The following HLTF variants were observed in gnomAD, a reference collection of about 807,000 sequenced individuals.
HLTF encodes helicase like transcription factor.
HLTF carries 127 observed loss-of-function variants against 129.4 expected under a neutral mutation model. The observed-to-expected ratio is 0.98, with a 90% CI of 0.85 to 1.14. The LOEUF (loss-of-function observed/expected upper bound fraction) is 1.14, where lower values mean the gene tolerates loss of function less well. Among genes scored for constraint, HLTF ranks in the 50% most tolerant of loss-of-function variants. The pLI is 0.00. For synonymous variants in HLTF, 332 were observed against 388.8 expected (o/e 0.85, Z 1.72); for missense variants, 1,139 against 1,187.1 (o/e 0.96, Z 0.60).
At chr3:149,073,725 C>T (rs998645814) in intron 4 of HLTF, among the ~76,000 whole-genome samples, 6 of 152,018 alleles carry the variant, frequency 3.9e-5, no homozygotes, top group Admixed American at 6.6e-5. Flanking sequence ...ATAAATAAAA[C>T]GTGCATAACA....
Position 149,039,050 on chromosome 3 carries a change from G to T in HLTF, c.2795C>A (p.Pro932Gln). 1.3e-6 allele frequency: 2 copies of T among 1,530,602 alleles called. No individual in the cohort carries two copies. The highest frequency in any genetic ancestry group is 2.2e-5 in the Admixed American group (1 of 46,056). The allele number at this position is 1,530,602 out of a possible 1,614,324, so 94.8% of individuals were successfully genotyped here. ...SAASRVFLMD[P>Q]AWNPAAEDQC... ...GAAAAAATTTACAGAACTACTTACTGGATCCATTAAAAACACTCGAGAAGC... is the reference window on the plus strand; with the variant it reads ...GAAAAAATTTACAGAACTACTTACTTGATCCATTAAAAACACTCGAGAAGC... Residue 932 changes from proline (P) to glutamine (Q), a missense_variant and splice_region_variant, in exon 23 of 25, where the codon CCA becomes CAA. Transcript: ENST00000310053.
intron 1 of HLTF, 31 bp downstream of exon 1, chr3:149,086,282 TAGAC>T (rs758554213): frequency 1.9e-6 from 3 of 1,597,282 alleles, no homozygotes; most frequent in Non-Finnish European, 2.6e-6. Flanking sequence ...TCCAGGCCGT[TAGAC>T]CGAGCGCCCC....
intron 5 of HLTF, among the ~76,000 whole-genome samples, chr3:149,072,186 A>C (rs982153611): frequency 2.6e-5 from 4 of 152,220 alleles, no homozygotes; most frequent in Non-Finnish European, 5.9e-5. Context: ...AGTTGTTAGG[A>C]GGTAAAAGAA....
At chr3:149,069,972 T>A (rs1162217552) in intron 7 of HLTF, among the ~76,000 whole-genome samples, 1 of 152,226 alleles carries the variant, frequency 6.6e-6, no homozygotes, top group African/African-American at 2.4e-5. Flanking sequence ...CAACATTTAG[T>A]AGGTCTGCCC....
chr3:149,047,965 A>C, intron 17 of HLTF, 63 bp downstream of exon 17: 1 of 1,357,502 alleles, frequency 7.4e-7, no homozygotes, highest in Non-Finnish European at 9.9e-7. Flanking sequence ...AGAAAGTGCC[A>C]ACTGGTTCAA....
chr3:149,086,452 G>A lies in HLTF; in HGVS notation c.-116C>T, dbSNP rs1289601341. 3.2e-6 allele frequency: 4 copies of A among 1,236,300 alleles called. No homozygotes were observed. The highest frequency in any genetic ancestry group is 2.6e-5 in the South Asian group (2 of 75,692). 76.6% of individuals were successfully genotyped at this position (1,236,300 alleles called of 1,614,324 possible). A position where few individuals can be genotyped will look rare whatever the true frequency, so the allele number is the denominator to read the frequency against. On this transcript the variant is annotated 5_prime_UTR_variant, in exon 1 of 25. Transcript: ENST00000310053. The stretch of plus-strand genomic sequence containing the variant: ...CTGAAGCCGGGGACAAATTCCGAGC[G>A]CCGGATCAGGAGCGCACGACTGAAA...
At chr3:149,042,535 A>C (rs958477527) in intron 18 of HLTF, among the ~76,000 whole-genome samples, 1 of 152,120 alleles carries the variant, frequency 6.6e-6, no homozygotes, top group African/African-American at 2.4e-5. Flanking sequence ...GGATGACTGC[A>C]GATCTCAAAC....
chr3:149,080,556 C>CT (rs1392915773), intron 2 of HLTF, among the ~76,000 whole-genome samples: 1 of 152,036 alleles, frequency 6.6e-6, no homozygotes, highest in Non-Finnish European at 1.5e-5. Context: ...ACAGGATGAT[C>CT]TTTTTTAAAC....
rs1346115747 is a variant in HLTF, at chr3:149,030,509, GCTTTGT to G, written c.*1705_*1710del. On this transcript the variant is annotated 3_prime_UTR_variant, in exon 25 of 25. Transcript: ENST00000310053. ...TTTACCTTCATAGTGAGTTTGTAAG[GCTTTGT>G]CTTTGTAAGCAGAAAGAGTAGACTG... The G allele has an allele frequency of 1.3e-5, 2 of 152,104 alleles. No homozygotes were observed. The highest frequency in any genetic ancestry group is 4.8e-5 in the African/African-American group (2 of 41,404). The allele number at this position is 152,104 out of a possible 1,614,324, so 9.4% of individuals were successfully genotyped here. A position where few individuals can be genotyped will look rare whatever the true frequency, so the allele number is the denominator to read the frequency against.
intron 24 of HLTF, among the ~76,000 whole-genome samples, chr3:149,033,246 A>G (rs1185261200): frequency 1.3e-5 from 2 of 152,178 alleles, no homozygotes; most frequent in African/African-American, 4.8e-5. Context: ...CTAAAGCTAT[A>G]TAATAAAATT....
chr3:149,081,370 G>A (rs1016257721), intron 2 of HLTF, among the ~76,000 whole-genome samples: 8 of 151,456 alleles, frequency 5.3e-5, no homozygotes, highest in East Asian at 1.9e-4. Context: ...TAAAGGCAAC[G>A]CAATACTTAA....
intron 24 of HLTF, 109 bp from the exon 25 acceptor site, chr3:149,032,481 T>C (rs1412748949): frequency 8.0e-6 from 5 of 622,664 alleles, no homozygotes; most frequent in Non-Finnish European, 1.3e-5. Flanking sequence ...CGCAATTACT[T>C]TTGCACCAAA....
intron 16 of HLTF, 102 bp downstream of exon 16, chr3:149,048,761 C>T: frequency 1.3e-6 from 1 of 790,590 alleles, no homozygotes; most frequent in Non-Finnish European, 2.1e-6. Flanking sequence ...AATTTTGGGG[C>T]AGAATTTACA....
chr3:149,069,725 G>A (rs1165092474), intron 7 of HLTF, among the ~76,000 whole-genome samples: 1 of 152,062 alleles, frequency 6.6e-6, no homozygotes, highest in East Asian at 1.9e-4. Flanking sequence ...TATCAATCAC[G>A]ACTGAGTGTC....
At chr3:149,060,924 G>A (rs1462493674) in intron 10 of HLTF, 66 bp from the exon 11 acceptor site, 1 of 1,050,542 alleles carries the variant, frequency 9.5e-7, no homozygotes, top group African/African-American at 1.6e-5. Flanking sequence ...ATACAAACAT[G>A]TTTAATAAAT....
intron 6 of HLTF, 62 bp from the exon 7 acceptor site, chr3:149,071,505 T>G: frequency 6.7e-7 from 1 of 1,493,302 alleles, no homozygotes; most frequent in Non-Finnish European, 9.3e-7. Context: ...ATGCAGATCC[T>G]GTGATTAAAC....
intron 15 of HLTF, 105 bp from the exon 16 acceptor site, chr3:149,049,106 T>A (rs1470677679): frequency 6.8e-6 from 5 of 730,902 alleles, no homozygotes; most frequent in Non-Finnish European, 1.1e-5. Context: ...AAATTTACTA[T>A]GTGCTAGGTA....
intron 14 of HLTF, among the ~76,000 whole-genome samples, chr3:149,051,258 A>G (rs1331551661): frequency 6.6e-6 from 1 of 152,040 alleles, no homozygotes; most frequent in Non-Finnish European, 1.5e-5. Flanking sequence ...AAAGAAGGGA[A>G]AAGTGGGCAT....
intron 2 of HLTF, among the ~76,000 whole-genome samples, chr3:149,077,109 G>A (rs1480284038): frequency 6.6e-6 from 1 of 151,974 alleles, no homozygotes; most frequent in African/African-American, 2.4e-5. Flanking sequence ...TTAGCTGGGT[G>A]TGGTGGCACG....
Sources: gnomAD v4.1 joint callset for allele counts (sites outside exome capture counted in the v4.1 genomes callset) on GRCh38, gnomAD v4.1.1 for gene constraint, MANE v1.5 for transcripts, NCBI Gene and HGNC (gene_info 2026-07-23, HGNC 2026-07-21) for gene names.